AFG3L2: variants seen among roughly 807,000 people sequenced by gnomAD.
AFG3L2 encodes mitochondrial inner membrane m-AAA protease component AFG3L2.
A neutral mutation model predicts 94.5 loss-of-function variants in AFG3L2; 54 were observed. The ratio of observed to expected loss-of-function variants is 0.57; its 90% confidence interval spans 0.46 to 0.72. The LOEUF (loss-of-function observed/expected upper bound fraction) is 0.72, where lower values mean the gene tolerates loss of function less well. Ranked by LOEUF, AFG3L2 falls within the 30% of genes least tolerant of loss-of-function variation. The probability of loss-of-function intolerance (pLI) is 0.00; values close to 1 mark genes in which losing one functional copy is unlikely to be tolerated. For synonymous variants in AFG3L2, 377 were observed against 365.5 expected, an observed-to-expected ratio of 1.03 and a Z score of -0.36; for missense variants, 754 against 994.9, an observed-to-expected ratio of 0.76 and a Z score of 3.26.
At chr18:12,354,562 T>G (rs1279370389) in intron 9 of AFG3L2, among the ~76,000 whole-genome samples, 1 of 152,230 alleles carries the variant, frequency 6.6e-6, no homozygotes, top group East Asian at 1.9e-4. Flanking sequence ...CATGTGGCTC[T>G]CGGTCTCTCA....
chr18:12,358,461 A>G lies in AFG3L2; in HGVS notation c.1026+209T>C, dbSNP rs138666400. On this transcript the variant is annotated intron_variant, in intron 8 of 16. Coordinates refer to ENST00000269143, the MANE Select transcript of AFG3L2 (RefSeq NM_006796.3). ...AATCTTCCAAGAGGAGGTGACACAG[A>G]TATTTTCAGGAATACATACACTATA... Among the ~76,000 whole-genome samples, 337 of 152,304 alleles carry G rather than the reference A, an allele frequency of 2.2e-3. 2 individuals are homozygous for G. The highest frequency in any genetic ancestry group is 6.7e-3 in the African/African-American group (280 of 41,558).
intron 6 of AFG3L2, among the ~76,000 whole-genome samples, chr18:12,360,603 G>A (rs563270931): frequency 7.2e-5 from 11 of 152,264 alleles, no homozygotes; most frequent in South Asian, 2.1e-4. Context: ...GAACAGATGC[G>A]CCTTGCTGTG....
At position 12,329,504 on chromosome 18, in the gene AFG3L2, C is replaced by T; in HGVS notation, c.*61G>A. The T allele has an allele frequency of 1.3e-6, 2 of 1,534,654 alleles. No homozygotes were observed. The highest frequency in any genetic ancestry group is 1.8e-6 in the Non-Finnish European group (2 of 1,109,250). ...ATTCCCATTCTTCTGAAAGCCACAG[C>T]TGAAATAATGCACCAGCTGAAACCA... On this transcript the variant is annotated 3_prime_UTR_variant, in exon 17 of 17. Transcript: ENST00000269143.
At chr18:12,350,746 G>A (rs1439099422) in intron 12 of AFG3L2, among the ~76,000 whole-genome samples, 2 of 152,136 alleles carry the variant, frequency 1.3e-5, no homozygotes, top group African/African-American at 4.8e-5. Context: ...AGGAGTTTCG[G>A]GCCAGCCTGT....
chr18:12,366,825 C>G, intron 5 of AFG3L2, 140 bp downstream of exon 5: 1 of 1,224,070 alleles, frequency 8.2e-7, no homozygotes, highest in Non-Finnish European at 1.2e-6. Context: ...CAGTACTTCT[C>G]AGCATTAGAA....
intron 16 of AFG3L2, among the ~76,000 whole-genome samples, chr18:12,335,124 T>C (rs1031349787): frequency 6.6e-6 from 1 of 152,128 alleles, no homozygotes; most frequent in Non-Finnish European, 1.5e-5. Context: ...GGAGATTCCT[T>C]GTGGGCCCTA....
intron 1 of AFG3L2, among the ~76,000 whole-genome samples, chr18:12,374,398 A>G (rs1247761148): frequency 1.3e-5 from 2 of 152,186 alleles, no homozygotes; most frequent in Admixed American, 6.5e-5. Flanking sequence ...ACACATCAGA[A>G]TCTCTTCCTC....
intron 9 of AFG3L2, among the ~76,000 whole-genome samples, chr18:12,353,551 T>G (rs1908392364): frequency 6.6e-6 from 1 of 150,576 alleles, no homozygotes; most frequent in Non-Finnish European, 1.5e-5. Flanking sequence ...AAATAAATCT[T>G]CAGCTTCCCG....
At chr18:12,364,402 C>T (rs1908747596) in intron 5 of AFG3L2, among the ~76,000 whole-genome samples, 2 of 152,150 alleles carry the variant, frequency 1.3e-5, no homozygotes, top group Admixed American at 1.3e-4. Context: ...AAAACTTCTC[C>T]AGGAAACACA....
rs1353408751 is a variant in AFG3L2 at position 12,329,229 on chromosome 18, T to C, written c.*336A>G. On this transcript the variant is annotated 3_prime_UTR_variant, in exon 17 of 17. Coordinates refer to ENST00000269143, the MANE Select transcript of AFG3L2 (RefSeq NM_006796.3). The stretch of plus-strand genomic sequence containing the variant: ...AGCATCCCTTCCCACACGCCAAGAG[T>C]CCAGTGCAACGATCCCTGCCACACG... 8 of 702,076 alleles carry C rather than the reference T, an allele frequency of 1.1e-5. No homozygotes were observed. Among genetic ancestry groups the C allele is most frequent in the Non-Finnish European group, 2.1e-5 (8 of 384,896 alleles). 43.5% of individuals were successfully genotyped at this position (702,076 alleles called of 1,614,324 possible). A position where few individuals can be genotyped will look rare whatever the true frequency, so the allele number is the denominator to read the frequency against.
intron 16 of AFG3L2, among the ~76,000 whole-genome samples, chr18:12,334,020 T>G (rs1211178960): frequency 6.6e-6 from 1 of 152,012 alleles, no homozygotes; most frequent in African/African-American, 2.4e-5. Flanking sequence ...GGTCACAGGG[T>G]TTTCAGAAAG....
chr18:12,370,755 G>T, intron 3 of AFG3L2, 94 bp downstream of exon 3: 1 of 879,992 alleles, frequency 1.1e-6, no homozygotes, highest in Non-Finnish European at 1.8e-6. Flanking sequence ...CACTGTGCCC[G>T]GCCTGATAAC....
chr18:12,341,742 A>G (rs1421597244), intron 14 of AFG3L2: 1 of 152,098 alleles, frequency 6.6e-6, no homozygotes, highest in African/African-American at 2.4e-5. Context: ...ATAGGTTTTT[A>G]TTTCTCTTGG....
Position 12,356,887 on chromosome 18 carries a change from T to C in AFG3L2, c.1027-56A>G, listed in dbSNP as rs916333662. 6.6e-5 allele frequency: 102 copies of C among 1,546,720 alleles called. No individual in the cohort carries two copies. The Admixed American group carries it at 1.7e-3, about 26-fold the overall frequency. The stretch of plus-strand genomic sequence containing the variant: ...ATGAGAATTCCAGAAAAGTAAATTG[T>C]GTATCCACAAATAATTACAAGATAT... On this transcript the variant is annotated intron_variant, in intron 8 of 16. Transcript: ENST00000269143.
chr18:12,344,481 C>G (rs752195222), intron 13 of AFG3L2, among the ~76,000 whole-genome samples: 5 of 151,960 alleles, frequency 3.3e-5, no homozygotes, highest in Non-Finnish European at 7.4e-5. Flanking sequence ...TCGAGACCAG[C>G]CTGGCCAACA....
chr18:12,371,348 T>C (rs1908985353), intron 2 of AFG3L2, among the ~76,000 whole-genome samples: 1 of 148,934 alleles, frequency 6.7e-6, no homozygotes, highest in Non-Finnish European at 1.5e-5. Context: ...GCTAAAAGCA[T>C]AACATTTCTT....
Position 12,329,546 on chromosome 18 carries a change from A to G in AFG3L2, c.*19T>C. On this transcript the variant is annotated 3_prime_UTR_variant, in exon 17 of 17. Coordinates refer to ENST00000269143, the MANE Select transcript of AFG3L2 (RefSeq NM_006796.3). ...CTGAAACCACAGTGGACAGACTGAG[A>G]TGGCCTCCCTCTGGGCCTCTAGTTG... The G allele has an allele frequency of 6.2e-7, 1 of 1,608,540 alleles. No individual in the cohort carries two copies. Among genetic ancestry groups the G allele is most frequent in the South Asian group, 1.1e-5 (1 of 90,970 alleles).
At chr18:12,371,315 C>CAAAAAAAAAAAA (rs1275446956) in intron 2 of AFG3L2, among the ~76,000 whole-genome samples, 33 of 66,436 alleles carry the variant, frequency 5.0e-4, no homozygotes, top group African/African-American at 1.9e-3. Context: ...ACTCAGTCTC[C>CAAAAAAAAAAAA]AAAAAAAAAA....
chr18:12,374,411 C>T (rs761731242), intron 1 of AFG3L2, among the ~76,000 whole-genome samples: 1 of 152,150 alleles, frequency 6.6e-6, no homozygotes, highest in South Asian at 2.1e-4. Flanking sequence ...TCTTCCTCAC[C>T]GTGAAAGCAG....
Sources: allele counts gnomAD v4.1 joint callset (sites outside exome capture counted in the v4.1 genomes callset), GRCh38; gene constraint gnomAD v4.1.1; transcripts MANE v1.5; gene names NCBI Gene and HGNC (gene_info 2026-07-23, HGNC 2026-07-21).